Variants in PRELID2 observed in about 807,000 individuals in gnomAD.
The protein encoded by PRELID2 is PRELI domain containing 2, also known as PRELI domain-containing protein 2.
A neutral mutation model predicts 28.4 loss-of-function variants in PRELID2; 25 were observed. The observed-to-expected ratio is 0.88, with a 90% CI of 0.64 to 1.23. PRELID2 has a LOEUF of 1.23. Ranked by LOEUF, PRELID2 falls within the 50% of genes most tolerant of loss-of-function variation. PRELID2 has a pLI of 0.00. For missense variants in PRELID2, 201 were observed against 214.4 expected (o/e 0.94, Z 0.39); for synonymous variants, 76 against 71.6 (o/e 1.06, Z -0.31).
chr5:145,395,397 G>A, the PRELID2 span, among the ~76,000 whole-genome samples: 1 of 152,060 alleles, frequency 6.6e-6, no homozygotes. Flanking sequence ...TTGTTGAAAG[G>A]AATTTCGGCT....
chr5:145,637,845 C>G (rs61340437), intron 1 of PRELID2, among the ~76,000 whole-genome samples: 4,248 of 145,000 alleles, frequency 0.029, 189 homozygotes, highest in African/African-American at 0.1. Context: ...GAGTCTTGCT[C>G]TCTCTCCCAG....
chr5:145,755,961 A>C (rs1053960277), downstream of PRELID2, among the ~76,000 whole-genome samples: 4 of 152,204 alleles, frequency 2.6e-5, no homozygotes, highest in Non-Finnish European at 5.9e-5. Flanking sequence ...ATAAATACGA[A>C]ACAGAAACAA....
intron 1 of PRELID2, among the ~76,000 whole-genome samples, chr5:145,633,247 G>A (rs1753954940): frequency 6.6e-6 from 1 of 152,100 alleles, no homozygotes; most frequent in Non-Finnish European, 1.5e-5. Context: ...AATTCTTGTT[G>A]TTGTAAGCCA....
intron 1 of PRELID2, among the ~76,000 whole-genome samples, chr5:145,584,076 G>A (rs1753131027): frequency 6.6e-6 from 1 of 151,972 alleles, no homozygotes. Flanking sequence ...GCATGGTGCT[G>A]GTACAAAAAC....
the PRELID2 span, among the ~76,000 whole-genome samples, chr5:145,282,892 C>T: frequency 2.6e-4 from 40 of 152,268 alleles, no homozygotes; most frequent in African/African-American, 5.5e-4. Context: ...CAATACTTTG[C>T]TTCAGTTTTC....
chr5:145,288,396 G>T, the PRELID2 span, among the ~76,000 whole-genome samples: 1 of 151,910 alleles, frequency 6.6e-6, no homozygotes, highest in Non-Finnish European at 1.5e-5. Context: ...TCTTTTAGGT[G>T]GCTGTTTTGT....
the PRELID2 span, among the ~76,000 whole-genome samples, chr5:145,317,295 G>A: frequency 9.2e-5 from 14 of 152,202 alleles, no homozygotes; most frequent in African/African-American, 2.4e-4. Flanking sequence ...TGGATAAGAC[G>A]TTGCCATCAT....
chr5:145,559,458 T>C (rs1752908537), intron 1 of PRELID2, among the ~76,000 whole-genome samples: 1 of 152,180 alleles, frequency 6.6e-6, no homozygotes, highest in African/African-American at 2.4e-5. Context: ...AAATACATAA[T>C]GTAGTCTTTT....
chr5:145,744,734 C>A (rs533206120), intron 1 of PRELID2, among the ~76,000 whole-genome samples: 6 of 152,198 alleles, frequency 3.9e-5, no homozygotes, highest in African/African-American at 1.4e-4. Context: ...CGAAACTAGA[C>A]AAACTCACAG....
intron 1 of PRELID2, among the ~76,000 whole-genome samples, chr5:145,680,588 G>A (rs1187321848): frequency 6.6e-6 from 1 of 152,162 alleles, no homozygotes; most frequent in Non-Finnish European, 1.5e-5. Flanking sequence ...TTGTTAATAG[G>A]GAAAAGTAGA....
intron 1 of PRELID2, among the ~76,000 whole-genome samples, chr5:145,740,880 ATG>A: frequency 9.6e-6 from 1 of 104,238 alleles, no homozygotes; most frequent in Non-Finnish European, 1.7e-5. Flanking sequence ...ATAAATATAT[ATG>A]TACATATATT....
At chr5:145,354,462 T>C in the PRELID2 span, among the ~76,000 whole-genome samples, 1 of 152,128 alleles carries the variant, frequency 6.6e-6, no homozygotes, top group East Asian at 1.9e-4. Context: ...GAAAACAACC[T>C]CCCTACTTTC....
intron 1 of PRELID2, among the ~76,000 whole-genome samples, chr5:145,555,469 T>A (rs1752872925): frequency 6.6e-6 from 1 of 152,206 alleles, no homozygotes; most frequent in Admixed American, 6.5e-5. Flanking sequence ...ATAACACTTT[T>A]CCTAGCCTAA....
At chr5:145,523,713 C>T (rs888927352) in intron 1 of PRELID2, among the ~76,000 whole-genome samples, 1 of 152,100 alleles carries the variant, frequency 6.6e-6, no homozygotes, top group Non-Finnish European at 1.5e-5. Context: ...TCTCCAAACA[C>T]TCCCAGTATT....
chr5:145,646,414 A>T (rs1375997785), intron 1 of PRELID2, among the ~76,000 whole-genome samples: 1 of 151,996 alleles, frequency 6.6e-6, no homozygotes, highest in Non-Finnish European at 1.5e-5. Context: ...TAAACTGGTT[A>T]TTCTGGTTAG....
the PRELID2 span, among the ~76,000 whole-genome samples, chr5:145,460,607 A>C: frequency 6.6e-6 from 1 of 152,216 alleles, no homozygotes; most frequent in Non-Finnish European, 1.5e-5. Context: ...CTTCACAAAT[A>C]CTTGGGGCAC....
chr5:145,710,215 CATAA>C (rs1423513911), intron 1 of PRELID2, among the ~76,000 whole-genome samples: 1 of 152,062 alleles, frequency 6.6e-6, no homozygotes, highest in African/African-American at 2.4e-5. Context: ...CTCTGATATA[CATAA>C]ATATGTTATA....
At chr5:145,536,106 T>C (rs933005354) in intron 1 of PRELID2, among the ~76,000 whole-genome samples, 10 of 151,878 alleles carry the variant, frequency 6.6e-5, no homozygotes, top group Non-Finnish European at 1.2e-4. Flanking sequence ...CAAAGCTCTT[T>C]AAAAATGAAG....
At chr5:145,613,416 G>T (rs1309994426) in intron 1 of PRELID2, among the ~76,000 whole-genome samples, 7 of 149,864 alleles carry the variant, frequency 4.7e-5, no homozygotes, top group South Asian at 2.1e-4. Flanking sequence ...TTTACATTAG[G>T]TATATCTCCT....
Sources: allele counts gnomAD v4.1 joint callset (sites outside exome capture counted in the v4.1 genomes callset), GRCh38; gene constraint gnomAD v4.1.1; transcripts MANE v1.5; gene names NCBI Gene and HGNC (gene_info 2026-07-23, HGNC 2026-07-21).